Variants in CCSER1 observed in about 807,000 individuals in gnomAD.
The protein encoded by CCSER1 is serine-rich coiled-coil domain-containing protein 1.
In CCSER1, 41 loss-of-function variants were observed where a neutral mutation model predicts 82.0. The observed-to-expected ratio is 0.50, with a 90% CI of 0.39 to 0.65. The LOEUF is 0.65. CCSER1 is among the 30% of genes least tolerant of loss of function. The probability of loss-of-function intolerance (pLI) is 0.00; values close to 1 mark genes in which losing one functional copy is unlikely to be tolerated. For synonymous variants in CCSER1, 414 were observed against 383.9 expected, an observed-to-expected ratio of 1.08 and a Z score of -0.92; for missense variants, 1,119 against 1,064.2, an observed-to-expected ratio of 1.05 and a Z score of -0.72.
At chr4:91,244,892 C>A (rs561352258) in intron 10 of CCSER1, among the ~76,000 whole-genome samples, 1 of 151,918 alleles carries the variant, frequency 6.6e-6, no homozygotes, top group Non-Finnish European at 1.5e-5. Flanking sequence ...CAAGATAACA[C>A]AGAGAAAATT....
chr4:90,936,008 A>G (rs1581144769), intron 9 of CCSER1, among the ~76,000 whole-genome samples: 1 of 152,164 alleles, frequency 6.6e-6, no homozygotes. Context: ...TTATAATAAT[A>G]AAATATACTT....
chr4:90,439,878 G>T (rs1759598895), intron 4 of CCSER1, among the ~76,000 whole-genome samples: 1 of 152,072 alleles, frequency 6.6e-6, no homozygotes. Context: ...AGTATTTTAT[G>T]TCACCCTCAA....
At chr4:90,457,623 G>A (rs1378492829) in intron 4 of CCSER1, among the ~76,000 whole-genome samples, 1 of 152,174 alleles carries the variant, frequency 6.6e-6, no homozygotes, top group Non-Finnish European at 1.5e-5. Flanking sequence ...CAGGCAGGTT[G>A]TCCTAATGTC....
intron 1 of CCSER1, among the ~76,000 whole-genome samples, chr4:90,144,682 A>T (rs1165738889): frequency 6.6e-6 from 1 of 152,218 alleles, no homozygotes; most frequent in African/African-American, 2.4e-5. Context: ...TCAAGAATAC[A>T]GTATAATAAT....
At chr4:91,266,996 A>G (rs970342735) in intron 10 of CCSER1, among the ~76,000 whole-genome samples, 2 of 152,182 alleles carry the variant, frequency 1.3e-5, no homozygotes, top group African/African-American at 4.8e-5. Context: ...ACTTACTCAA[A>G]TATAGTTGAG....
chr4:90,217,194 G>A lies in CCSER1; in HGVS notation c.-42+89363G>A, dbSNP rs371354224. On this transcript the variant is annotated intron_variant, in intron 1 of 10. Transcript: ENST00000509176. The stretch of plus-strand genomic sequence containing the variant: ...GAGCCTTTTGGTGGAGTCTTTAGAC[G>A]TTTTTTTGTTTTTTATTTTTGAGAT... Among the ~76,000 whole-genome samples the A allele has an allele frequency of 7.2e-5, 11 of 151,948 alleles. 1 individual carries two copies. Among genetic ancestry groups the A allele is most frequent in the African/African-American group, 2.7e-4 (11 of 41,478 alleles).
Position 91,166,683 on chromosome 4 carries a change from A to C in CCSER1, c.2217+80689A>C, listed in dbSNP as rs557338594. On this transcript the variant is annotated intron_variant, in intron 10 of 10. Transcript: ENST00000509176. ...TTTTGTGGCAAGTCATTAGTAGTATAAAGTTAGATGAGAAAATATTTTTAG... is the reference window on the plus strand; with the variant it reads ...TTTTGTGGCAAGTCATTAGTAGTATCAAGTTAGATGAGAAAATATTTTTAG... Among the ~76,000 whole-genome samples, 4 of 152,196 alleles carry C rather than the reference A, an allele frequency of 2.6e-5. No individual in the cohort carries two copies. The East Asian group carries it at 7.7e-4, about 29-fold the overall frequency.
intron 6 of CCSER1, among the ~76,000 whole-genome samples, chr4:90,691,547 A>G (rs964159515): frequency 7.5e-6 from 1 of 133,540 alleles, no homozygotes; most frequent in East Asian, 2.6e-4. Flanking sequence ...ATACATGTGT[A>G]CATATCACAT....
At chr4:91,572,374 G>T in intron 10 of CCSER1, among the ~76,000 whole-genome samples, 1 of 151,988 alleles carries the variant, frequency 6.6e-6, no homozygotes, top group African/African-American at 2.4e-5. Flanking sequence ...TACCCTGGTT[G>T]GTAGGTCCAG....
chr4:90,775,573 C>T (rs1383051254), intron 7 of CCSER1, among the ~76,000 whole-genome samples: 1 of 152,086 alleles, frequency 6.6e-6, no homozygotes, highest in Non-Finnish European at 1.5e-5. Flanking sequence ...AAGCTGATTA[C>T]TACTGTGCCA....
chr4:91,325,196 G>T, intron 10 of CCSER1: 1 of 456,054 alleles, frequency 2.2e-6, no homozygotes, highest in Admixed American at 2.3e-5. Context: ...ATAGTAGGTG[G>T]CTCTTGCCAT....
intron 6 of CCSER1, among the ~76,000 whole-genome samples, chr4:90,673,280 T>TTA: frequency 6.6e-6 from 1 of 151,990 alleles, no homozygotes; most frequent in East Asian, 1.9e-4. Context: ...GTGCCATTAT[T>TTA]TATATATATC....
chr4:91,124,816 G>A (rs1727368412), intron 10 of CCSER1, among the ~76,000 whole-genome samples: 1 of 151,670 alleles, frequency 6.6e-6, no homozygotes, highest in East Asian at 1.9e-4. Flanking sequence ...ATCAGAGTTT[G>A]GAAGTGTTAG....
intron 5 of CCSER1, among the ~76,000 whole-genome samples, chr4:90,480,221 GTTGT>G (rs1765726996): frequency 6.6e-6 from 1 of 152,226 alleles, no homozygotes; most frequent in African/African-American, 2.4e-5. Flanking sequence ...TTTTGATGGG[GTTGT>G]TTGTTTTTTT....
At chr4:90,301,950 T>G (rs1469002488) in intron 1 of CCSER1, among the ~76,000 whole-genome samples, 1 of 152,204 alleles carries the variant, frequency 6.6e-6, no homozygotes, top group Non-Finnish European at 1.5e-5. Flanking sequence ...CATTATTTTT[T>G]CATGTTTTCA....
intron 10 of CCSER1, among the ~76,000 whole-genome samples, chr4:91,304,561 T>C (rs1364459823): frequency 6.6e-6 from 1 of 152,046 alleles, no homozygotes; most frequent in Non-Finnish European, 1.5e-5. Context: ...CTTAGTAATC[T>C]ACTTTAATTT....
At chr4:90,222,216 T>C (rs1222714337) in intron 1 of CCSER1, among the ~76,000 whole-genome samples, 1 of 152,180 alleles carries the variant, frequency 6.6e-6, no homozygotes, top group African/African-American at 2.4e-5. Context: ...CCTTCTTTCC[T>C]TAAGAAGATG....
At chr4:91,378,086 T>A (rs1449188702) in intron 10 of CCSER1, among the ~76,000 whole-genome samples, 1 of 152,190 alleles carries the variant, frequency 6.6e-6, no homozygotes, top group Non-Finnish European at 1.5e-5. Context: ...TTCTGAGGGC[T>A]CTGTTCTGTT....
At chr4:90,360,160 G>A (rs1195309008) in intron 3 of CCSER1, among the ~76,000 whole-genome samples, 17 of 147,302 alleles carry the variant, frequency 1.2e-4, no homozygotes, top group Middle Eastern at 3.6e-3. Flanking sequence ...CTCGTGATCC[G>A]CCCGCCTCAG....
Sources: gnomAD v4.1 joint callset for allele counts (sites outside exome capture counted in the v4.1 genomes callset) on GRCh38, gnomAD v4.1.1 for gene constraint, MANE v1.5 for transcripts, NCBI Gene and HGNC (gene_info 2026-07-23, HGNC 2026-07-21) for gene names.